ZNF519: variants seen among roughly 807,000 people sequenced by gnomAD.
The protein encoded by ZNF519 is zinc finger protein 519.
Under a neutral mutation model 7.4 loss-of-function variants are expected in ZNF519, and 7 were observed. The ratio of observed to expected loss-of-function variants is 0.94; its 90% CI spans 0.54 to 1.77. The LOEUF is 1.77. Ranked by LOEUF, ZNF519 falls within the 40% of genes most tolerant of loss-of-function variation. The pLI is 0.00. For missense variants in ZNF519, 586 were observed against 623.1 expected, an observed-to-expected ratio of 0.94 and a Z score of 0.63; for synonymous variants, 179 against 203.3, an observed-to-expected ratio of 0.88 and a Z score of 1.02.
chr18:14,124,176 T>TC, intron 2 of ZNF519, 174 bp downstream of exon 2: 1 of 519,620 alleles, frequency 1.9e-6, no homozygotes. Flanking sequence ...TCTGTCTCAA[T>TC]TAAAAAAAAA....
downstream of ZNF519, chr18:14,071,469 A>C (rs909977565): frequency 6.6e-6 from 1 of 152,210 alleles, no homozygotes; most frequent in Admixed American, 6.5e-5. Flanking sequence ...ACCTCCGTTA[A>C]ACTGCTCAGA....
intron 2 of ZNF519, among the ~76,000 whole-genome samples, chr18:14,115,292 C>T (rs552030187): frequency 3.5e-4 from 53 of 152,274 alleles, no homozygotes; most frequent in Admixed American, 1.2e-3. Flanking sequence ...CTCTGGTTTC[C>T]GAGGGGCTAT....
chr18:14,118,075 T>C (rs1400528061), intron 2 of ZNF519, among the ~76,000 whole-genome samples: 1 of 152,192 alleles, frequency 6.6e-6, no homozygotes, highest in East Asian at 1.9e-4. Context: ...ATTCTTTTTT[T>C]TGAGACAGAG....
At chr18:14,106,945 T>C (rs1256743811) in intron 2 of ZNF519, among the ~76,000 whole-genome samples, 3 of 152,126 alleles carry the variant, frequency 2.0e-5, no homozygotes, top group Non-Finnish European at 4.4e-5. Flanking sequence ...TTCCCGGTGA[T>C]TGGAACTTGA....
At chr18:14,083,649 C>G (rs1287838457) in intron 3 of ZNF519, among the ~76,000 whole-genome samples, 1 of 152,116 alleles carries the variant, frequency 6.6e-6, no homozygotes, top group Admixed American at 6.5e-5. Flanking sequence ...GAGGCTCACA[C>G]TTGTAACCCC....
At chr18:14,076,681 A>G (rs1217001581) in exon 5 of ZNF519, 1 of 152,244 alleles carries the variant, frequency 6.6e-6, no homozygotes, top group Non-Finnish European at 1.5e-5. Flanking sequence ...AATTGTACTA[A>G]GATAAGCACT....
At chr18:14,110,807 A>G (rs527659125) in intron 2 of ZNF519, among the ~76,000 whole-genome samples, 45 of 152,210 alleles carry the variant, frequency 3.0e-4, no homozygotes, top group Non-Finnish European at 6.2e-4. Flanking sequence ...GGAAAACTAG[A>G]TATTGTATAT....
chr18:14,121,117 G>A, intron 2 of ZNF519, among the ~76,000 whole-genome samples: 1 of 152,058 alleles, frequency 6.6e-6, no homozygotes, highest in Non-Finnish European at 1.5e-5. Flanking sequence ...ATTAGATGGG[G>A]AATCTAAAAA....
chr18:14,126,943 C>G (rs2046302136), intron 1 of ZNF519, among the ~76,000 whole-genome samples: 1 of 152,170 alleles, frequency 6.6e-6, no homozygotes, highest in Admixed American at 6.5e-5. Flanking sequence ...GATCCTGAGA[C>G]AGGAGACACT....
intron 2 of ZNF519, among the ~76,000 whole-genome samples, chr18:14,116,039 A>G (rs1214126221): frequency 6.6e-6 from 1 of 152,222 alleles, no homozygotes; most frequent in Non-Finnish European, 1.5e-5. Flanking sequence ...TGTTGTACAG[A>G]TTATTTTTTC....
At chr18:14,080,425 A>G (rs2046066691) in intron 3 of ZNF519, among the ~76,000 whole-genome samples, 3 of 148,326 alleles carry the variant, frequency 2.0e-5, no homozygotes, top group African/African-American at 7.5e-5. Context: ...GGGTTCAAGC[A>G]ATTCTCTTGC....
At chr18:14,088,715 T>C (rs1353577751) in intron 2 of ZNF519, among the ~76,000 whole-genome samples, 4 of 152,204 alleles carry the variant, frequency 2.6e-5, no homozygotes, top group Non-Finnish European at 5.9e-5. Flanking sequence ...TAATCTTATA[T>C]CCAAGGAATT....
At chr18:14,091,475 T>C (rs180886043) in intron 2 of ZNF519, among the ~76,000 whole-genome samples, 3 of 152,088 alleles carry the variant, frequency 2.0e-5, no homozygotes, top group African/African-American at 7.2e-5. Flanking sequence ...CTGGGTCTTA[T>C]GGTGGAAGAG....
At chr18:14,127,657 C>A (rs1202385767) in intron 1 of ZNF519, among the ~76,000 whole-genome samples, 1 of 151,986 alleles carries the variant, frequency 6.6e-6, no homozygotes, top group African/African-American at 2.4e-5. Context: ...CATGTGTGAT[C>A]CTAATTGGGT....
chr18:14,099,401 G>A (rs1298526021), downstream of ZNF519, among the ~76,000 whole-genome samples: 1 of 152,134 alleles, frequency 6.6e-6, no homozygotes, highest in East Asian at 1.9e-4. Context: ...TAGCATGCAA[G>A]TACATAGTAG....
chr18:14,122,582 C>T (rs2046274779), intron 2 of ZNF519: 1 of 151,826 alleles, frequency 6.6e-6, no homozygotes, highest in Non-Finnish European at 1.5e-5. Context: ...TTGGGTCTCA[C>T]TGTAAACTTG....
chr18:14,106,242 G>C lies in ZNF519; in HGVS notation c.298C>G (p.Leu100Val). ...EGEGQKECYN[L>V]CSQYLTTSHN... ...CTAGTTGTCAAATATTGGCTACATA[G>C]ATTATAACATTCCTTTTGTCCTTCA... The change falls in exon 3 of 3, where the codon CTA becomes GTA. Residue 100 changes from leucine (L) to valine (V), a missense_variant. Physicochemically the swap from Leu to Val is conservative, Grantham distance 32. Transcript: ENST00000590202. 2.5e-6 allele frequency: 4 copies of C among 1,613,522 alleles called. No homozygotes were observed. The South Asian group carries it at 4.4e-5, about 18-fold the overall frequency.
intron 2 of ZNF519, among the ~76,000 whole-genome samples, chr18:14,110,437 C>T (rs1478419002): frequency 2.0e-5 from 3 of 152,008 alleles, no homozygotes; most frequent in Non-Finnish European, 2.9e-5. Context: ...AAAATATTTG[C>T]AAACTACGCA....
chr18:14,074,594 G>C (rs1370944287), downstream of ZNF519: 1 of 152,618 alleles, frequency 6.6e-6, no homozygotes, highest in East Asian at 1.9e-4. Context: ...TCTAGGGCAG[G>C]GGCAAAATAC....
Sources: gnomAD v4.1 joint callset for allele counts (sites outside exome capture counted in the v4.1 genomes callset) on GRCh38, gnomAD v4.1.1 for gene constraint, MANE v1.5 for transcripts, NCBI Gene and HGNC (gene_info 2026-07-23, HGNC 2026-07-21) for gene names.